The following KANK1 variants were observed in gnomAD, a reference collection of about 807,000 sequenced individuals.
The protein encoded by KANK1 is KN motif and ankyrin repeat domains 1, also known as KN motif and ankyrin repeat domain-containing protein 1.
In KANK1, 109 loss-of-function variants were observed where a neutral mutation model predicts 106.2. The ratio of observed to expected loss-of-function variants is 1.03; its 90% CI spans 0.88 to 1.20. KANK1 has a LOEUF of 1.20. Ranked by LOEUF, KANK1 falls within the 50% of genes most tolerant of loss-of-function variation. The probability of loss-of-function intolerance (pLI) is 0.00; values close to 1 mark genes in which losing one functional copy is unlikely to be tolerated. For synonymous variants in KANK1, 873 were observed against 652.2 expected (o/e 1.34, Z -5.16); for missense variants, 2,399 against 1,710.7 (o/e 1.40, Z -7.10).
In KANK1 at chr9:617,369, G is replaced by C. The variant is rs184945408; in HGVS notation, c.-83-59521G>C. Among the ~76,000 whole-genome samples, 14 of 152,240 alleles carry C rather than the reference G, an allele frequency of 9.2e-5. No homozygotes were observed. The East Asian group carries it at 2.7e-3, about 29-fold the overall frequency. The stretch of plus-strand genomic sequence containing the variant: ...TAGGAGAAGGATTGGGGAGGAGGGG[G>C]GTTGTGGCAAATGTCTAAAACCTAT... On this transcript the variant is annotated intron_variant, in intron 1 of 11. Transcript: ENST00000382297.
chr9:708,470 A>G (rs1337886161), intron 2 of KANK1, among the ~76,000 whole-genome samples: 1 of 152,226 alleles, frequency 6.6e-6, no homozygotes, highest in Non-Finnish European at 1.5e-5. Flanking sequence ...TTTCACATAG[A>G]ATTCACTTCC....
At chr9:742,448 A>T (rs369251902) in intron 10 of KANK1, 43 bp downstream of exon 10, 3 of 1,505,968 alleles carry the variant, frequency 2.0e-6, no homozygotes, top group Non-Finnish European at 2.7e-6. Context: ...GGTCTGGGGG[A>T]CTCTGGACGG....
chr9:640,339 G>T (rs756012791), intron 1 of KANK1, among the ~76,000 whole-genome samples: 1 of 151,918 alleles, frequency 6.6e-6, no homozygotes, highest in Non-Finnish European at 1.5e-5. Context: ...GGGTTCAGGC[G>T]ATTCTCCTGC....
rs867856519 is a variant in KANK1, at chr9:711,856, A to G, written c.1090A>G (p.Ile364Val). The G allele has an allele frequency of 1.9e-6, 3 of 1,614,198 alleles. No homozygotes were observed. Among genetic ancestry groups the G allele is most frequent in the African/African-American group, 2.7e-5 (2 of 75,040 alleles). The stretch of plus-strand genomic sequence containing the variant: ...GACCGTAGAACAGAGCACGCAGAGG[A>G]TAAAGGAGTTCCGGCAACTTACAGC... The part of the protein sequence containing the change: ...METVEQSTQR[I>V]KEFRQLTADM... Residue 364 changes from isoleucine to valine, a missense_variant, in exon 3 of 12, where the codon ATA becomes GTA. Ile to Val is a conservative substitution (Grantham distance 29). Coordinates refer to ENST00000382297, the MANE Select transcript of KANK1 (RefSeq NM_015158.5).
At chr9:597,993 C>G (rs984850132) in intron 1 of KANK1, among the ~76,000 whole-genome samples, 1 of 151,630 alleles carries the variant, frequency 6.6e-6, no homozygotes, top group South Asian at 2.1e-4. Context: ...AGAAGTTATG[C>G]TTTTATTTTT....
intron 1 of KANK1, among the ~76,000 whole-genome samples, chr9:661,489 G>A (rs1843301842): frequency 6.6e-6 from 1 of 152,160 alleles, no homozygotes; most frequent in African/African-American, 2.4e-5. Flanking sequence ...ATTCCATGGT[G>A]TATATGTGCC....
chr9:566,565 A>T (rs886745932), intron 1 of KANK1, among the ~76,000 whole-genome samples: 1 of 152,124 alleles, frequency 6.6e-6, no homozygotes, highest in Non-Finnish European at 1.5e-5. Context: ...CAGGTGCGAG[A>T]TGGTATCTCC....
At chr9:583,734 C>G (rs1173049796) in intron 1 of KANK1, among the ~76,000 whole-genome samples, 1 of 150,658 alleles carries the variant, frequency 6.6e-6, no homozygotes, top group Non-Finnish European at 1.5e-5. Flanking sequence ...CATATACTTC[C>G]TTTATTAATA....
At chr9:742,960 C>G (rs1259854834) in intron 10 of KANK1, among the ~76,000 whole-genome samples, 1 of 152,208 alleles carries the variant, frequency 6.6e-6, no homozygotes, top group Non-Finnish European at 1.5e-5. Flanking sequence ...CCCATCAACA[C>G]CACTCTGCTC....
At chr9:583,331 T>TGA (rs1403871443) in intron 1 of KANK1, among the ~76,000 whole-genome samples, 1 of 152,184 alleles carries the variant, frequency 6.6e-6, no homozygotes, top group Non-Finnish European at 1.5e-5. Flanking sequence ...TCATAAGGAC[T>TGA]GAGAGGATAC....
At chr9:611,201 T>C (rs1304680189) in intron 1 of KANK1, among the ~76,000 whole-genome samples, 1 of 152,166 alleles carries the variant, frequency 6.6e-6, no homozygotes, top group Admixed American at 6.5e-5. Context: ...CATTTGTTAG[T>C]ATTGGGTCCA....
chr9:655,763 C>T (rs560959627), intron 1 of KANK1, among the ~76,000 whole-genome samples: 1 of 152,276 alleles, frequency 6.6e-6, no homozygotes, highest in African/African-American at 2.4e-5. Context: ...ACCTTAGAAA[C>T]AATAAATATT....
chr9:531,824 G>C (rs919577797), intron 1 of KANK1, among the ~76,000 whole-genome samples: 8 of 152,016 alleles, frequency 5.3e-5, no homozygotes, highest in Admixed American at 5.2e-4. Context: ...CCCATATATC[G>C]GGAAAAAATG....
At position 577,173 on chromosome 9, in the gene KANK1, C is replaced by T. The variant is rs188140219; in HGVS notation, c.-84+72419C>T. 8.5e-5 allele frequency among the ~76,000 whole-genome samples: 13 copies of T among 152,302 alleles called. No homozygotes were observed. In the East Asian group the frequency reaches 2.1e-3, roughly 25 times the overall value. ...AGCTTCCACAGCATGGAAGGGAACC[C>T]AAGCGGGTTGCCTCTGCTGGCTCTG... On this transcript the variant is annotated intron_variant, in intron 1 of 11. Coordinates refer to ENST00000382297, the MANE Select transcript of KANK1 (RefSeq NM_015158.5).
At position 712,221 on chromosome 9, in the gene KANK1, G is replaced by A; in HGVS notation, c.1455G>A (p.Met485Ile). The A allele has an allele frequency of 6.2e-7, 1 of 1,614,166 alleles. No homozygotes were observed. The highest frequency in any genetic ancestry group is 8.5e-7 in the Non-Finnish European group (1 of 1,180,018). ...GAGAAACCACCCATGACCGGGAGAT[G>A]ACTAAACTGAAACAAGAGCTGCAGG... ...QLRETTHDRE[M>I]TKLKQELQAA... Residue 485 changes from methionine (M) to isoleucine (I), a missense_variant, in exon 3 of 12, where the codon ATG becomes ATA. By Grantham distance (10) the Met-to-Ile change is conservative. Coordinates refer to ENST00000382297, the MANE Select transcript of KANK1 (RefSeq NM_015158.5).
chr9:653,161 ATGTC>A (rs1428254493), intron 1 of KANK1, among the ~76,000 whole-genome samples: 1 of 152,124 alleles, frequency 6.6e-6, no homozygotes, highest in Non-Finnish European at 1.5e-5. Context: ...TAATCATAGA[ATGTC>A]TGTCAGGCCT....
intron 1 of KANK1, among the ~76,000 whole-genome samples, chr9:648,615 G>A (rs1440979854): frequency 1.3e-5 from 2 of 152,162 alleles, no homozygotes; most frequent in Non-Finnish European, 2.9e-5. Flanking sequence ...GCCCAGTGGG[G>A]AAGAGCAACA....
chr9:554,865 G>A (rs1027394475), intron 1 of KANK1, among the ~76,000 whole-genome samples: 3 of 152,244 alleles, frequency 2.0e-5, no homozygotes, highest in East Asian at 1.9e-4. Flanking sequence ...GAGATCTTTC[G>A]TGGCAAGGTT....
At chr9:604,214 A>G in intron 1 of KANK1, among the ~76,000 whole-genome samples, 1 of 151,726 alleles carries the variant, frequency 6.6e-6, no homozygotes, top group East Asian at 1.9e-4. Flanking sequence ...GGTAAACAAT[A>G]ATGATGATTC....
Sources: allele counts gnomAD v4.1 joint callset (sites outside exome capture counted in the v4.1 genomes callset), GRCh38; gene constraint gnomAD v4.1.1; transcripts MANE v1.5; gene names NCBI Gene and HGNC (gene_info 2026-07-23, HGNC 2026-07-21).